The following PTBP1 variants were observed in gnomAD, a reference collection of about 807,000 sequenced individuals.
PTBP1 encodes polypyrimidine tract binding protein 1.
PTBP1 carries 8 observed loss-of-function variants against 59.8 expected under a neutral mutation model. The observed-to-expected ratio is 0.13, with a 90% CI of 0.08 to 0.24. The LOEUF (loss-of-function observed/expected upper bound fraction) is 0.24. Ranked by LOEUF, PTBP1 falls within the 10% of genes least tolerant of loss-of-function variation. PTBP1 has a pLI of 1.00. For synonymous variants in PTBP1, 490 were observed against 320.7 expected (o/e 1.53, Z -5.64); for missense variants, 686 against 767.0 (o/e 0.89, Z 1.25).
chr19:803,957 G>GCT, intron 3 of PTBP1, 79 bp from the exon 4 acceptor site: 1 of 1,553,442 alleles, frequency 6.4e-7, no homozygotes. Flanking sequence ...AGCAGGCAGG[G>GCT]CTCTAGGGGG....
chr19:806,775 G>A (rs1335276134), intron 10 of PTBP1: 1 of 480,344 alleles, frequency 2.1e-6, no homozygotes, highest in Non-Finnish European at 3.6e-6. Context: ...TCTCTTGCAT[G>A]ATACGCAGAA....
chr19:807,737 A>G, intron 10 of PTBP1, 132 bp from the exon 11 acceptor site: 1 of 692,142 alleles, frequency 1.4e-6, no homozygotes. Context: ...TAACATCCTG[A>G]CAACTTCATC....
intron 2 of PTBP1, among the ~76,000 whole-genome samples, chr19:800,453 C>T (rs765231896): frequency 2.6e-5 from 4 of 152,170 alleles, no homozygotes; most frequent in African/African-American, 9.6e-5. Flanking sequence ...CTGTAGTCCT[C>T]GCTTAGCTGG....
chr19:805,815 G>C, intron 9 of PTBP1: 1 of 541,286 alleles, frequency 1.8e-6, no homozygotes, highest in South Asian at 2.1e-5. Context: ...AGTCTTTGTG[G>C]TCTGGTTCCC....
chr19:809,084 C>G (rs1226937385), intron 13 of PTBP1, among the ~76,000 whole-genome samples: 4 of 151,896 alleles, frequency 2.6e-5, no homozygotes, highest in Non-Finnish European at 1.5e-5. Context: ...TCTCGGTTCA[C>G]TGCAACCTCC....
At chr19:798,204 C>T (rs2034166688) in intron 1 of PTBP1, among the ~76,000 whole-genome samples, 2 of 152,084 alleles carry the variant, frequency 1.3e-5, no homozygotes, top group Admixed American at 6.5e-5. Context: ...GGAGGGGCCT[C>T]TCCAGGGACC....
At chr19:800,055 T>C (rs997235220) in intron 2 of PTBP1, among the ~76,000 whole-genome samples, 2 of 151,894 alleles carry the variant, frequency 1.3e-5, no homozygotes, top group Non-Finnish European at 2.9e-5. Context: ...ACCTCCTGAG[T>C]AGCCGGGATT....
At chr19:809,664 G>A (rs1371948076) in intron 13 of PTBP1, among the ~76,000 whole-genome samples, 1 of 152,100 alleles carries the variant, frequency 6.6e-6, no homozygotes, top group Non-Finnish European at 1.5e-5. Flanking sequence ...GGCCGGGCAG[G>A]GGATTGCTTG....
rs746697336 is a variant in PTBP1 at position 806,463 on chromosome 19, G to A, written c.1026G>A (p.Ala342=). The A allele has an allele frequency of 6.9e-6, 11 of 1,596,194 alleles. No individual in the cohort carries two copies. In the Admixed American group the frequency reaches 8.6e-5, roughly 12 times the overall value. The change falls in exon 10 of 15, where the codon GCG becomes GCA. Residue 342 remains alanine, a synonymous_variant. Transcript: ENST00000356948. The stretch of plus-strand genomic sequence containing the variant: ...TGGCCCCCCTGGCCATCCCCTCGGC[G>A]GCGGCGGCAGCTGCGGCGGCAGGTC... ...GALAPLAIPS[A]AAAAAAAGRI... is the part of the protein sequence containing the mutation.
Position 801,850 on chromosome 19 carries a change from C to A in PTBP1, c.40-1711C>A, listed in dbSNP as rs2034350323. On this transcript the variant is annotated intron_variant, in intron 2 of 14. Transcript: ENST00000356948. ...ACCCCTTTCCCCTGGGCCTGCGCAG[C>A]CCCGCCTTGTGCTCATAGGGGGCCC... Among the ~76,000 whole-genome samples the A allele has an allele frequency of 3.3e-5, 5 of 152,294 alleles. No homozygotes were observed. The South Asian group carries it at 1.0e-3, about 32-fold the overall frequency.
At position 806,398 on chromosome 19, in the gene PTBP1, G is replaced by T. The variant is rs753780916; in HGVS notation, c.971-10G>T. The T allele has an allele frequency of 6.3e-7, 1 of 1,597,180 alleles. No homozygotes were observed. On this transcript the variant is annotated splice_polypyrimidine_tract_variant and intron_variant, in intron 9 of 14. Coordinates refer to ENST00000356948, the MANE Select transcript of PTBP1 (RefSeq NM_002819.5). ...GGCGCCGCCGCTCATCTCACCTCCTGCTTTTCCAGGCCTTTCCGTTCCGAA... is the reference window on the plus strand; with the variant it reads ...GGCGCCGCCGCTCATCTCACCTCCTTCTTTTCCAGGCCTTTCCGTTCCGAA...
In PTBP1 at chr19:797,468, T is replaced by C; in HGVS notation, c.-30T>C. The C allele has an allele frequency of 6.3e-7, 1 of 1,596,222 alleles. No individual in the cohort carries two copies. Among genetic ancestry groups the C allele is most frequent in the Non-Finnish European group, 8.5e-7 (1 of 1,174,326 alleles). Reference sequence around the variant, plus strand: ...GTTCCTGCTATTCCGGCGCCTCCACTCCGTCCCCCGCGGGTCTGCTCTGTG... The same window carrying C: ...GTTCCTGCTATTCCGGCGCCTCCACCCCGTCCCCCGCGGGTCTGCTCTGTG... On this transcript the variant is annotated 5_prime_UTR_variant, in exon 1 of 15. Coordinates refer to ENST00000356948, the MANE Select transcript of PTBP1 (RefSeq NM_002819.5).
At position 810,987 on chromosome 19, in the gene PTBP1, C is replaced by G; in HGVS notation, c.*161C>G. 2.7e-6 allele frequency: 2 copies of G among 744,492 alleles called. No individual in the cohort carries two copies. The highest frequency in any genetic ancestry group is 3.3e-5 in the East Asian group (1 of 30,336). The allele number at this position is 744,492 out of a possible 1,614,324, so 46.1% of individuals were successfully genotyped here. A position where few individuals can be genotyped will look rare whatever the true frequency, so the allele number is the denominator to read the frequency against. Reference sequence around the variant, plus strand: ...TTTAAAAAAATTAAATCTAGTTCACCTTGCTCACCCTGCGGTGACAGGGAC... The same window carrying G: ...TTTAAAAAAATTAAATCTAGTTCACGTTGCTCACCCTGCGGTGACAGGGAC... On this transcript the variant is annotated 3_prime_UTR_variant, in exon 15 of 15. Transcript: ENST00000356948.
rs373898199 is a variant in PTBP1 at position 808,313 on chromosome 19, C to T, written c.1154-47C>T. The stretch of plus-strand genomic sequence containing the variant: ...GGGCCGGGGCTGACGGGGAGATGGG[C>T]GGGGCAGGCAGCAGGAGACTCAGGC... On this transcript the variant is annotated intron_variant, in intron 11 of 14. Coordinates refer to ENST00000356948, the MANE Select transcript of PTBP1 (RefSeq NM_002819.5). This position sits in a 1 kb window ranked among gnomAD's most constrained non-coding sequence, Gnocchi z 4.7. 3.0e-5 allele frequency: 43 copies of T among 1,454,958 alleles called. No individual in the cohort carries two copies. Among genetic ancestry groups the T allele is most frequent in the African/African-American group, 2.8e-4 (20 of 71,408 alleles). 90.1% of individuals were successfully genotyped at this position (1,454,958 alleles called of 1,614,324 possible).
At chr19:805,865 T>C (rs901030623) in intron 9 of PTBP1, 7 of 438,970 alleles carry the variant, frequency 1.6e-5, no homozygotes, top group Non-Finnish European at 2.5e-5. Flanking sequence ...CGCCAGTGGT[T>C]GGAGGGATGT....
Position 804,137 on chromosome 19 carries a change from G to A in PTBP1, c.217G>A (p.Gly73Arg). ...IRKLPIDVTE[G>R]EVISLGLPFG... ...GAAGCTCCCCATCGACGTCACGGAG[G>A]GGGAAGTCATCTCCCTGGGGCTGCC... is the stretch of plus-strand genomic sequence containing the variant. The change falls in exon 4 of 15, where the codon GGG becomes AGG. Residue 73 changes from glycine (G) to arginine (R), a missense_variant. By Grantham distance (125) the Gly-to-Arg change is moderately radical. Coordinates refer to ENST00000356948, the MANE Select transcript of PTBP1 (RefSeq NM_002819.5). 1.9e-6 allele frequency: 3 copies of A among 1,613,862 alleles called. No individual in the cohort carries two copies. The highest frequency in any genetic ancestry group is 1.7e-6 in the Non-Finnish European group (2 of 1,179,836).
rs758614808 is a variant in PTBP1, at chr19:805,514, C to T, written c.915C>T (p.Ala305=). The change falls in exon 9 of 15, where the codon GCC becomes GCT. Residue 305 remains alanine (A), a synonymous_variant. Transcript: ENST00000356948. ...AAFGAPGIIS[A]SPYAGAGFPP... ...TAGGTGCACCTGGTATAATCTCAGC[C>T]TCTCCGTATGCAGGAGCTGGTTTCC... 2 of 1,613,726 alleles carry T rather than the reference C, an allele frequency of 1.2e-6. No individual in the cohort carries two copies. Among genetic ancestry groups the T allele is most frequent in the African/African-American group, 1.3e-5 (1 of 75,042 alleles).
chr19:806,255 GA>G, intron 9 of PTBP1, 152 bp from the exon 10 acceptor site: 1 of 838,572 alleles, frequency 1.2e-6, no homozygotes, highest in Non-Finnish European at 1.7e-6. Context: ...GCGGGGGTCG[GA>G]CGACCCCACA....
chr19:806,288 G>A lies in PTBP1; in HGVS notation c.971-120G>A, dbSNP rs1395688237. ...CACAGGCACCCAGGGTAGGGCCAGA[G>A]CCAGGGCCGCCTCCCGCGCGGCTCG... On this transcript the variant is annotated intron_variant, in intron 9 of 14. Coordinates refer to ENST00000356948, the MANE Select transcript of PTBP1 (RefSeq NM_002819.5). 6.6e-6 allele frequency: 8 copies of A among 1,208,322 alleles called. No individual in the cohort carries two copies. The Admixed American group carries it at 1.1e-4, about 17-fold the overall frequency. 74.9% of individuals were successfully genotyped at this position (1,208,322 alleles called of 1,614,324 possible).
Sources: allele counts gnomAD v4.1 joint callset (sites outside exome capture counted in the v4.1 genomes callset), GRCh38; gene constraint gnomAD v4.1.1; non-coding constraint Gnocchi (gnomAD v3.1); transcripts MANE v1.5; gene names NCBI Gene and HGNC (gene_info 2026-07-23, HGNC 2026-07-21).